Variants in DLC1 observed in about 807,000 individuals in gnomAD.
DLC1 encodes the protein rho GTPase-activating protein 7.
A neutral mutation model predicts 140.3 loss-of-function variants in DLC1; 54 were observed. That is an observed-to-expected ratio of 0.38 (90% CI 0.31 to 0.48). The LOEUF is 0.48. Ranked by LOEUF, DLC1 falls within the 20% of genes least tolerant of loss-of-function variation. The pLI is 0.96. For synonymous variants in DLC1, 986 were observed against 728.1 expected (o/e 1.35, Z -5.70); for missense variants, 2,536 against 1,907.0 (o/e 1.33, Z -6.14).
chr8:13,591,976 A>G (rs1295505128), intron 1 of DLC1, among the ~76,000 whole-genome samples: 1 of 152,058 alleles, frequency 6.6e-6, no homozygotes, highest in Non-Finnish European at 1.5e-5. Flanking sequence ...ACCTGGTTAC[A>G]AGTATCTGGA....
chr8:13,400,287 C>T (rs1011692612), intron 3 of DLC1, among the ~76,000 whole-genome samples: 3 of 152,018 alleles, frequency 2.0e-5, no homozygotes, highest in Non-Finnish European at 2.9e-5. Context: ...TTGATCCGTG[C>T]GGTACTTCTT....
chr8:13,103,609 C>T (rs1411158664), intron 7 of DLC1, among the ~76,000 whole-genome samples: 1 of 151,862 alleles, frequency 6.6e-6, no homozygotes, highest in Admixed American at 6.6e-5. Flanking sequence ...GAGGCCGAGG[C>T]AGGCAGATCA....
chr8:13,524,508 C>T (rs1050503575), intron 1 of DLC1, among the ~76,000 whole-genome samples: 10 of 152,104 alleles, frequency 6.6e-5, no homozygotes, highest in African/African-American at 2.4e-4. Context: ...CTATTGGTTA[C>T]ATGATATCTA....
chr8:13,352,597 C>T (rs976491347), intron 4 of DLC1, among the ~76,000 whole-genome samples: 1 of 152,028 alleles, frequency 6.6e-6, no homozygotes, highest in Non-Finnish European at 1.5e-5. Flanking sequence ...CCCAGGCTGG[C>T]CTCAAATTCC....
chr8:13,488,090 A>G (rs1468741283), intron 2 of DLC1, among the ~76,000 whole-genome samples: 2 of 152,210 alleles, frequency 1.3e-5, no homozygotes, highest in Admixed American at 6.5e-5. Context: ...TGAAAGAGGA[A>G]TTATTCTCAT....
At chr8:13,234,997 T>G (rs1378933140) in intron 5 of DLC1, among the ~76,000 whole-genome samples, 2 of 152,134 alleles carry the variant, frequency 1.3e-5, no homozygotes, top group East Asian at 1.9e-4. Context: ...CCTGACTAGC[T>G]CTGTCTGTTA....
chr8:13,595,265 G>C (rs1413446673), intron 1 of DLC1, among the ~76,000 whole-genome samples: 1 of 151,978 alleles, frequency 6.6e-6, no homozygotes, highest in Non-Finnish European at 1.5e-5. Flanking sequence ...AAAGACAGTA[G>C]TGTTTCAGAT....
intron 5 of DLC1, among the ~76,000 whole-genome samples, chr8:13,198,111 A>T (rs1827172295): frequency 6.6e-6 from 1 of 152,208 alleles, no homozygotes; most frequent in Admixed American, 6.5e-5. Flanking sequence ...AAAGGAAAAA[A>T]AAAAATTAAG....
intron 5 of DLC1, among the ~76,000 whole-genome samples, chr8:13,119,246 A>C (rs1339203803): frequency 6.6e-6 from 1 of 151,392 alleles, no homozygotes; most frequent in Admixed American, 6.6e-5. Context: ...AAAAAAAAAA[A>C]ATAGGTCTAA....
intron 5 of DLC1, among the ~76,000 whole-genome samples, chr8:13,279,818 C>T (rs909882472): frequency 2.6e-5 from 4 of 152,158 alleles, no homozygotes; most frequent in South Asian, 2.1e-4. Context: ...GCCACTTAGA[C>T]AATAATTTCT....
chr8:13,199,014 G>C (rs941056009), intron 5 of DLC1, among the ~76,000 whole-genome samples: 6 of 152,012 alleles, frequency 3.9e-5, no homozygotes, highest in African/African-American at 1.4e-4. Flanking sequence ...ACCGTGTCCG[G>C]CCTAGCATGA....
intron 5 of DLC1, among the ~76,000 whole-genome samples, chr8:13,269,262 T>C (rs1830820857): frequency 6.6e-6 from 1 of 152,166 alleles, no homozygotes; most frequent in Admixed American, 6.5e-5. Context: ...TTGACAATTA[T>C]GGGGCTGAAT....
Position 13,206,182 on chromosome 8 carries a change from T to C in DLC1, c.1349-90525A>G, listed in dbSNP as rs147491907. 7.9e-3 allele frequency among the ~76,000 whole-genome samples: 1,208 copies of C among 152,280 alleles called. 20 individuals are homozygous for C. Among genetic ancestry groups the C allele is most frequent in the African/African-American group, 0.027 (1,119 of 41,554 alleles). On this transcript the variant is annotated intron_variant, in intron 5 of 17. Transcript: ENST00000276297. The stretch of plus-strand genomic sequence containing the variant: ...AAAAACTTCACTGAATAGCCAATGA[T>C]CTAAAGACTCATTGAGGAAACATGT...
Position 13,204,885 on chromosome 8 carries a change from T to C in DLC1, c.1349-89228A>G, listed in dbSNP as rs140335692. ...TGCATTGCCTTTACATATAACTAAG[T>C]GGAAAGAAAGCTTTTCAATCAGTTT... is the stretch of plus-strand genomic sequence containing the variant. On this transcript the variant is annotated intron_variant, in intron 5 of 17. Coordinates refer to ENST00000276297, the MANE Select transcript of DLC1 (RefSeq NM_182643.3). 1.2e-3 allele frequency among the ~76,000 whole-genome samples: 186 copies of C among 152,256 alleles called. 1 individual carries two copies. The highest frequency in any genetic ancestry group is 4.1e-3 in the African/African-American group (171 of 41,554).
chr8:13,293,936 G>T (rs1478925069), intron 5 of DLC1, among the ~76,000 whole-genome samples: 2 of 152,136 alleles, frequency 1.3e-5, no homozygotes, highest in African/African-American at 2.4e-5. Flanking sequence ...AAATAATATA[G>T]TTCTGTAGCC....
At chr8:13,245,899 A>G (rs1029092271) in intron 5 of DLC1, among the ~76,000 whole-genome samples, 2 of 151,894 alleles carry the variant, frequency 1.3e-5, no homozygotes, top group African/African-American at 4.8e-5. Flanking sequence ...ATGCAGTTTC[A>G]CCATGTTGGA....
chr8:13,143,667 C>T (rs983679893), intron 5 of DLC1, among the ~76,000 whole-genome samples: 2 of 151,316 alleles, frequency 1.3e-5, no homozygotes, highest in East Asian at 1.9e-4. Context: ...TCACCTTAGC[C>T]TCTTAAAGTG....
At chr8:13,429,390 C>T in intron 2 of DLC1, among the ~76,000 whole-genome samples, 1 of 151,938 alleles carries the variant, frequency 6.6e-6, no homozygotes, top group East Asian at 1.9e-4. Flanking sequence ...GGCCACTATC[C>T]CCATACGGTC....
intron 5 of DLC1, among the ~76,000 whole-genome samples, chr8:13,295,493 G>C (rs1213552208): frequency 6.6e-6 from 1 of 152,198 alleles, no homozygotes; most frequent in Non-Finnish European, 1.5e-5. Context: ...ATGGGCACCA[G>C]CCATTTATTG....
Sources: allele counts gnomAD v4.1 joint callset (sites outside exome capture counted in the v4.1 genomes callset), GRCh38; gene constraint gnomAD v4.1.1; transcripts MANE v1.5; gene names NCBI Gene and HGNC (gene_info 2026-07-23, HGNC 2026-07-21).